The following USH2A variants were observed in gnomAD, a reference collection of about 807,000 sequenced individuals.
The protein encoded by USH2A is Usher syndrome 2A (autosomal recessive, mild).
Under a neutral mutation model 538.9 loss-of-function variants are expected in USH2A, and 443 were observed. That is an observed-to-expected ratio of 0.82 (90% CI 0.76 to 0.89). The LOEUF is 0.89. USH2A is among the 40% of genes least tolerant of loss of function. The pLI is 0.00. For missense variants in USH2A, 6,633 were observed against 6,324.8 expected (o/e 1.05, Z -1.65); for synonymous variants, 2,413 against 2,273.5 (o/e 1.06, Z -1.75).
intron 4 of USH2A, among the ~76,000 whole-genome samples, chr1:216,357,966 G>A (rs187292498): frequency 2.0e-4 from 31 of 152,192 alleles, no homozygotes; most frequent in African/African-American, 7.5e-4. Flanking sequence ...TGATATAGAT[G>A]GTCTAAGGTG....
intron 37 of USH2A, among the ~76,000 whole-genome samples, chr1:215,947,279 G>C (rs1189397001): frequency 6.6e-6 from 1 of 152,016 alleles, no homozygotes; most frequent in Non-Finnish European, 1.5e-5. Flanking sequence ...CCTGACTTCA[G>C]GTGGTCTGCC....
chr1:215,756,177 T>C (rs1660788754), intron 58 of USH2A, among the ~76,000 whole-genome samples: 1 of 152,158 alleles, frequency 6.6e-6, no homozygotes, highest in African/African-American at 2.4e-5. Flanking sequence ...TACATGTAGG[T>C]ATCATCATTA....
Position 215,639,137 on chromosome 1 carries a change from A to G in USH2A, c.15052+18T>C. On this transcript the variant is annotated intron_variant, in intron 69 of 71. Coordinates refer to ENST00000307340, the MANE Select transcript of USH2A (RefSeq NM_206933.4). ...AAGATGAATAGGTGCTACGCCAAGT[A>G]TAATATGAGTTGTTTACCAAGTCCA... is the stretch of plus-strand genomic sequence containing the variant. The G allele has an allele frequency of 6.2e-7, 1 of 1,612,812 alleles. No individual in the cohort carries two copies. Among genetic ancestry groups the G allele is most frequent in the Non-Finnish European group, 8.5e-7 (1 of 1,178,744 alleles).
At chr1:216,351,301 T>A (rs1347846279) in intron 4 of USH2A, among the ~76,000 whole-genome samples, 1 of 152,164 alleles carries the variant, frequency 6.6e-6, no homozygotes, top group African/African-American at 2.4e-5. Context: ...TGTTTGCAGA[T>A]GTAAACGGGG....
At chr1:216,392,945 T>A (rs2039136120) in intron 3 of USH2A, among the ~76,000 whole-genome samples, 2 of 152,216 alleles carry the variant, frequency 1.3e-5, no homozygotes, top group Admixed American at 6.5e-5. Context: ...TCTTTCTTAT[T>A]ATGTATAGCT....
chr1:215,954,335 C>T (rs1160081699), intron 37 of USH2A, among the ~76,000 whole-genome samples: 1 of 152,012 alleles, frequency 6.6e-6, no homozygotes, highest in Non-Finnish European at 1.5e-5. Flanking sequence ...CAATGATAGA[C>T]TGGATTAAGA....
chr1:215,654,017 C>T (rs956763101), intron 64 of USH2A, among the ~76,000 whole-genome samples: 1 of 151,994 alleles, frequency 6.6e-6, no homozygotes, highest in Non-Finnish European at 1.5e-5. Context: ...AGTGTGTGGG[C>T]TTCTCCTAGA....
rs1426296190 is a variant in USH2A at position 215,900,745 on chromosome 1, G to T, written c.7451+10C>A. On this transcript the variant is annotated intron_variant, in intron 39 of 71. Coordinates refer to ENST00000307340, the MANE Select transcript of USH2A (RefSeq NM_206933.4). ...CCCAGCTGATAGAATGGACAAAGTA[G>T]AATGCTCACTCTAGAAATCCATGGG... The T allele has an allele frequency of 1.2e-6, 2 of 1,613,376 alleles. No individual in the cohort carries two copies. Among genetic ancestry groups the T allele is most frequent in the African/African-American group, 2.7e-5 (2 of 74,870 alleles).
chr1:216,319,182 A>G (rs1208751235), intron 9 of USH2A, among the ~76,000 whole-genome samples: 2 of 152,162 alleles, frequency 1.3e-5, no homozygotes, highest in East Asian at 1.9e-4. Flanking sequence ...GGAGGAGAGG[A>G]CAAGGTTAAT....
At chr1:215,692,951 T>G (rs1658665209) in intron 61 of USH2A, among the ~76,000 whole-genome samples, 3 of 151,564 alleles carry the variant, frequency 2.0e-5, no homozygotes, top group Non-Finnish European at 2.9e-5. Context: ...TTGCCCGGGT[T>G]GGAGTATTGT....
chr1:215,814,360 A>C (rs1391757930), intron 48 of USH2A, among the ~76,000 whole-genome samples: 1 of 148,940 alleles, frequency 6.7e-6, no homozygotes, highest in Non-Finnish European at 1.5e-5. Flanking sequence ...TATTATATAA[A>C]ATTTTAATAA....
intron 32 of USH2A, among the ~76,000 whole-genome samples, chr1:216,031,343 ATACTT>A (rs1219436608): frequency 6.6e-6 from 1 of 152,178 alleles, no homozygotes; most frequent in East Asian, 1.9e-4. Context: ...CCAAGGGTAA[ATACTT>A]TAGCAGATTG....
At chr1:215,928,009 G>T (rs1666274943) in intron 38 of USH2A, among the ~76,000 whole-genome samples, 2 of 151,910 alleles carry the variant, frequency 1.3e-5, no homozygotes, top group Non-Finnish European at 2.9e-5. Flanking sequence ...TAACTTTCAG[G>T]ATTATTTTCC....
At chr1:216,166,328 C>T (rs1424263830) in intron 21 of USH2A, among the ~76,000 whole-genome samples, 2 of 151,876 alleles carry the variant, frequency 1.3e-5, no homozygotes, top group Non-Finnish European at 2.9e-5. Flanking sequence ...AGCACTGGGA[C>T]TAAAAAATGG....
chr1:215,879,132 C>T lies in USH2A; in HGVS notation c.8224-34G>A, dbSNP rs749205440. 9.2e-5 allele frequency: 146 copies of T among 1,579,448 alleles called. 1 individual carries two copies. Among genetic ancestry groups the T allele is most frequent in the Admixed American group, 3.0e-4 (18 of 59,938 alleles). The stretch of plus-strand genomic sequence containing the variant: ...AAAGATAAACTTAGAATCAGTGTGA[C>T]GATACAGGAATAGAGCAATTGAAGT... On this transcript the variant is annotated intron_variant, in intron 41 of 71. Transcript: ENST00000307340.
chr1:215,949,503 G>T (rs976882841), intron 37 of USH2A, among the ~76,000 whole-genome samples: 61 of 151,964 alleles, frequency 4.0e-4, no homozygotes, highest in African/African-American at 1.4e-3. Flanking sequence ...AGAAAATAAT[G>T]ACTTTACCCA....
At chr1:216,044,795 C>T (rs1166760067) in intron 32 of USH2A, among the ~76,000 whole-genome samples, 1 of 152,144 alleles carries the variant, frequency 6.6e-6, no homozygotes, top group Admixed American at 6.5e-5. Flanking sequence ...TTACTTAATC[C>T]TTCTTTCCCT....
Position 215,685,693 on chromosome 1 carries a change from A to T in USH2A, c.12067-5317T>A, listed in dbSNP as rs78927006. Among the ~76,000 whole-genome samples, 37 of 150,654 alleles carry T rather than the reference A, an allele frequency of 2.5e-4. No individual in the cohort carries two copies. In the South Asian group the frequency reaches 5.0e-3, roughly 20 times the overall value. On this transcript the variant is annotated intron_variant, in intron 61 of 71. Transcript: ENST00000307340. ...TCTTGATACAGAAATTATTATTATT[A>T]TTTTTTTACCACGCATTAGGCAAAT...
At position 216,251,108 on chromosome 1, in the gene USH2A, A is replaced by T; in HGVS notation, c.1972-10T>A. ...TACACTGTCCTCCAATCTAGAGAAG[A>T]TACAACATTTTGTAGAATGATGAAC... On this transcript the variant is annotated splice_polypyrimidine_tract_variant and intron_variant, in intron 11 of 71. Coordinates refer to ENST00000307340, the MANE Select transcript of USH2A (RefSeq NM_206933.4). 1 of 1,613,736 alleles carries T rather than the reference A, an allele frequency of 6.2e-7. No homozygotes were observed.
Sources: gnomAD v4.1 joint callset for allele counts (sites outside exome capture counted in the v4.1 genomes callset) on GRCh38, gnomAD v4.1.1 for gene constraint, MANE v1.5 for transcripts, NCBI Gene and HGNC (gene_info 2026-07-23, HGNC 2026-07-21) for gene names.